MAGI1: variants seen among roughly 807,000 people sequenced by gnomAD.
The protein encoded by MAGI1 is membrane associated guanylate kinase, WW and PDZ domain containing 1.
In MAGI1, 58 loss-of-function variants were observed where a neutral mutation model predicts 139.9. That is an observed-to-expected ratio of 0.41 (90% confidence interval 0.34 to 0.52). The LOEUF is 0.52. MAGI1 is among the 20% of genes least tolerant of loss of function. The probability of loss-of-function intolerance (pLI) is 0.12; values close to 1 mark genes in which losing one functional copy is unlikely to be tolerated. For synonymous variants in MAGI1, 812 were observed against 737.9 expected, an observed-to-expected ratio of 1.10 and a Z score of -1.63; for missense variants, 1,874 against 1,901.6, an observed-to-expected ratio of 0.99 and a Z score of 0.27.
intron 1 of MAGI1, among the ~76,000 whole-genome samples, chr3:65,793,910 TAA>T (rs1225554414): frequency 1.3e-5 from 2 of 152,246 alleles, no homozygotes; most frequent in African/African-American, 2.4e-5. Context: ...AGATGCTGCG[TAA>T]AGTTTCTGTT....
chr3:65,849,531 C>A (rs988750135), intron 1 of MAGI1, among the ~76,000 whole-genome samples: 3 of 148,166 alleles, frequency 2.0e-5, no homozygotes, highest in Non-Finnish European at 3.0e-5. Flanking sequence ...ACATATATAT[C>A]ATCAAATATA....
chr3:65,861,142 C>G (rs748325317), intron 1 of MAGI1, among the ~76,000 whole-genome samples: 79 of 152,310 alleles, frequency 5.2e-4, no homozygotes, highest in Non-Finnish European at 9.8e-4. Flanking sequence ...AGAAAGCAAG[C>G]CCCCCTCGCT....
At chr3:65,867,562 C>A (rs1183365497) in intron 1 of MAGI1, among the ~76,000 whole-genome samples, 1 of 152,094 alleles carries the variant, frequency 6.6e-6, no homozygotes, top group East Asian at 1.9e-4. Flanking sequence ...TATGGAGACC[C>A]TGATTCTACC....
chr3:65,423,199 G>C (rs548192817), intron 12 of MAGI1, among the ~76,000 whole-genome samples: 1 of 152,286 alleles, frequency 6.6e-6, no homozygotes, highest in African/African-American at 2.4e-5. Context: ...AGCTCAATCT[G>C]AGACATTGTG....
At chr3:65,540,991 T>A (rs1255814877) in intron 2 of MAGI1, among the ~76,000 whole-genome samples, 1 of 152,106 alleles carries the variant, frequency 6.6e-6, no homozygotes, top group Admixed American at 6.6e-5. Context: ...AAACAATTTT[T>A]AAAAAATAAT....
intron 1 of MAGI1, among the ~76,000 whole-genome samples, chr3:66,032,996 G>A (rs1456628291): frequency 2.0e-5 from 3 of 151,676 alleles, no homozygotes; most frequent in African/African-American, 7.3e-5. Flanking sequence ...GAACAAACAG[G>A]GTGAGGGAAT....
chr3:65,374,109 T>C (rs1942267058), intron 18 of MAGI1, among the ~76,000 whole-genome samples: 1 of 152,132 alleles, frequency 6.6e-6, no homozygotes, highest in South Asian at 2.1e-4. Context: ...ACTATCTTCA[T>C]AAACTAGATT....
chr3:65,855,321 T>G (rs1040233137), intron 1 of MAGI1, among the ~76,000 whole-genome samples: 2 of 151,814 alleles, frequency 1.3e-5, no homozygotes, highest in African/African-American at 4.8e-5. Context: ...GGCTCACACC[T>G]GTAATCCCAA....
At position 65,353,660 on chromosome 3, in the gene MAGI1, G is replaced by A. The variant is rs894911864; in HGVS notation, c.*2718C>T. On this transcript the variant is annotated 3_prime_UTR_variant, in exon 23 of 23. Coordinates refer to ENST00000402939, the MANE Select transcript of MAGI1 (RefSeq NM_001033057.2). The stretch of plus-strand genomic sequence containing the variant: ...CAACATTCTTTCAGGCATCAACTGT[G>A]TAACGGAGGGAGACAAATTCCTAAA... 6.6e-6 allele frequency: 1 copy of A among 152,146 alleles called. No homozygotes were observed. The highest frequency in any genetic ancestry group is 1.5e-5 in the Non-Finnish European group (1 of 68,020). 9.4% of individuals were successfully genotyped at this position (152,146 alleles called of 1,614,324 possible).
At chr3:65,790,440 A>C (rs1354892124) in intron 1 of MAGI1, among the ~76,000 whole-genome samples, 1 of 152,188 alleles carries the variant, frequency 6.6e-6, no homozygotes, top group African/African-American at 2.4e-5. Flanking sequence ...AGACTCCACA[A>C]GTTTTTAATC....
intron 1 of MAGI1, among the ~76,000 whole-genome samples, chr3:65,630,019 A>C (rs2084202598): frequency 6.6e-6 from 1 of 152,230 alleles, no homozygotes; most frequent in East Asian, 1.9e-4. Flanking sequence ...ACAACAAACA[A>C]AGTTAAAATC....
At chr3:65,706,052 T>C (rs913580563) in intron 1 of MAGI1, among the ~76,000 whole-genome samples, 19 of 152,364 alleles carry the variant, frequency 1.2e-4, no homozygotes, top group African/African-American at 2.6e-4. Context: ...TTCAGCATTT[T>C]CTATTCAACA....
At chr3:65,705,326 T>C (rs532914948) in intron 1 of MAGI1, among the ~76,000 whole-genome samples, 86 of 152,328 alleles carry the variant, frequency 5.6e-4, no homozygotes, top group African/African-American at 2.0e-3. Context: ...CCAGCTATGA[T>C]GTGCTTTTTG....
intron 1 of MAGI1, among the ~76,000 whole-genome samples, chr3:66,001,568 C>T (rs2066741914): frequency 6.6e-6 from 1 of 151,354 alleles, no homozygotes; most frequent in Admixed American, 6.6e-5. Flanking sequence ...GATAATTATC[C>T]CTGTTTTATA....
intron 1 of MAGI1, among the ~76,000 whole-genome samples, chr3:65,682,348 G>C (rs2087648396): frequency 6.6e-6 from 1 of 152,132 alleles, no homozygotes; most frequent in Non-Finnish European, 1.5e-5. Flanking sequence ...TCAAGACTGT[G>C]GTACTGGCAA....
intron 2 of MAGI1, among the ~76,000 whole-genome samples, chr3:65,581,524 T>C (rs1310653008): frequency 6.6e-6 from 1 of 152,182 alleles, no homozygotes; most frequent in Admixed American, 6.5e-5. Context: ...CCAGCCACAC[T>C]GTCCCTGCCC....
At chr3:65,718,821 G>C (rs893986022) in intron 1 of MAGI1, among the ~76,000 whole-genome samples, 1 of 152,076 alleles carries the variant, frequency 6.6e-6, no homozygotes, top group South Asian at 2.1e-4. Context: ...CAGGTATCAT[G>C]AGGCATCCTT....
chr3:65,428,284 C>G (rs1276414222), intron 12 of MAGI1, among the ~76,000 whole-genome samples: 1 of 152,172 alleles, frequency 6.6e-6, no homozygotes, highest in Non-Finnish European at 1.5e-5. Flanking sequence ...AGGGAAACAG[C>G]CATTCTCAGG....
intron 1 of MAGI1, among the ~76,000 whole-genome samples, chr3:65,705,692 T>G (rs1170493695): frequency 6.6e-6 from 1 of 152,206 alleles, no homozygotes; most frequent in Non-Finnish European, 1.5e-5. Context: ...AATTAGACAT[T>G]AATGTGTCCC....
Sources: gnomAD v4.1 joint callset for allele counts (sites outside exome capture counted in the v4.1 genomes callset) on GRCh38, gnomAD v4.1.1 for gene constraint, MANE v1.5 for transcripts, NCBI Gene and HGNC (gene_info 2026-07-23, HGNC 2026-07-21) for gene names.